KIAA1217: variants seen among roughly 807,000 people sequenced by gnomAD.
KIAA1217 encodes sickle tail protein homolog.
A neutral mutation model predicts 163.9 loss-of-function variants in KIAA1217; 88 were observed. The ratio of observed to expected loss-of-function variants is 0.54; its 90% CI spans 0.45 to 0.64. The LOEUF is 0.64. Among genes scored for constraint, KIAA1217 ranks in the 30% least tolerant of loss-of-function variants. The pLI, the probability that KIAA1217 is intolerant of heterozygous loss-of-function variation, is 0.00. For missense variants in KIAA1217, 2,372 were observed against 2,475.0 expected, an observed-to-expected ratio of 0.96 and a Z score of 0.88; for synonymous variants, 903 against 923.1, an observed-to-expected ratio of 0.98 and a Z score of 0.39.
At chr10:24,352,574 G>A (rs2048589562) in intron 2 of KIAA1217, among the ~76,000 whole-genome samples, 1 of 152,068 alleles carries the variant, frequency 6.6e-6, no homozygotes, top group Non-Finnish European at 1.5e-5. Flanking sequence ...CTGGATTTTA[G>A]AACAATGCAG....
At chr10:24,288,051 G>A (rs1183758954) in intron 2 of KIAA1217, among the ~76,000 whole-genome samples, 1 of 152,132 alleles carries the variant, frequency 6.6e-6, no homozygotes, top group East Asian at 1.9e-4. Flanking sequence ...AACTTAGCCA[G>A]CCTTTGAAAT....
rs568462562 is a variant in KIAA1217 at position 24,141,643 on chromosome 10, G to T, written c.-170-77983G>T. Among the ~76,000 whole-genome samples the T allele has an allele frequency of 1.7e-3, 262 of 152,266 alleles. 1 individual carries two copies. Among genetic ancestry groups the T allele is most frequent in the Middle Eastern group, 3.4e-3 (1 of 294 alleles). On this transcript the variant is annotated intron_variant, in intron 2 of 18. Coordinates refer to the KIAA1217 transcript ENST00000376462. ...TGAACTATGAGAATGGCCACTGGAC[G>T]AAGATCACACTGGACACAGGAAGGT...
At chr10:23,939,301 G>GGGGATTCTAA (rs1233547698) in intron 1 of KIAA1217, among the ~76,000 whole-genome samples, 2 of 152,106 alleles carry the variant, frequency 1.3e-5, no homozygotes, top group African/African-American at 4.8e-5. Context: ...CAGTTAAAAA[G>GGGGATTCTAA]CAGGGAGTGT....
chr10:24,080,155 C>T (rs940741528), intron 2 of KIAA1217, among the ~76,000 whole-genome samples: 1 of 152,140 alleles, frequency 6.6e-6, no homozygotes, highest in Non-Finnish European at 1.5e-5. Flanking sequence ...TTTCCTTTCT[C>T]ATTTCTGTTT....
Position 23,957,099 on chromosome 10 carries a change from AT to A in KIAA1217, c.-320-50123del, listed in dbSNP as rs111462058. Among the ~76,000 whole-genome samples the A allele has an allele frequency of 4.6e-3, 696 of 152,192 alleles. 4 individuals carry two copies. The highest frequency in any genetic ancestry group is 0.016 in the African/African-American group (671 of 41,518). ...CATCAGTCTGTCCTTTCAAAGGCAG[AT>A]TTCATTCTGTGACGGCTCCATTGAG... On this transcript the variant is annotated intron_variant, in intron 1 of 18. Coordinates refer to the KIAA1217 transcript ENST00000376462.
intron 2 of KIAA1217, among the ~76,000 whole-genome samples, chr10:24,312,444 C>T (rs220373): frequency 0.21 from 31,883 of 152,046 alleles, 3,662 homozygotes; most frequent in Non-Finnish European, 0.24. Flanking sequence ...GGTAAAACCT[C>T]GTCTCTACGA....
At chr10:23,872,049 C>A (rs947867097) in intron 1 of KIAA1217, among the ~76,000 whole-genome samples, 6 of 152,154 alleles carry the variant, frequency 3.9e-5, no homozygotes, top group Middle Eastern at 3.4e-3. Context: ...GTTTATGAAT[C>A]TTTATATGAT....
At chr10:23,715,609 A>G (rs908505186) in intron 1 of KIAA1217, among the ~76,000 whole-genome samples, 1 of 152,178 alleles carries the variant, frequency 6.6e-6, no homozygotes, top group Non-Finnish European at 1.5e-5. Flanking sequence ...AAAGTTTCAA[A>G]TATGTACTAG....
At chr10:24,435,926 T>A (rs548380770) in intron 4 of KIAA1217, among the ~76,000 whole-genome samples, 5 of 152,086 alleles carry the variant, frequency 3.3e-5, no homozygotes, top group African/African-American at 1.2e-4. Flanking sequence ...AGTGGCATGA[T>A]CTCAGTTCAC....
At chr10:24,039,621 C>T (rs1313323769) in intron 2 of KIAA1217, among the ~76,000 whole-genome samples, 1 of 152,150 alleles carries the variant, frequency 6.6e-6, no homozygotes, top group Non-Finnish European at 1.5e-5. Context: ...AAGCTGGGTA[C>T]ATCCAGTGCA....
At chr10:24,016,408 AC>A (rs915445481) in intron 2 of KIAA1217, among the ~76,000 whole-genome samples, 20 of 152,080 alleles carry the variant, frequency 1.3e-4, no homozygotes, top group Admixed American at 1.2e-3. Flanking sequence ...ATATTCAAAC[AC>A]CTTTTATACA....
At chr10:24,317,008 G>T (rs940069565) in intron 2 of KIAA1217, among the ~76,000 whole-genome samples, 1 of 152,078 alleles carries the variant, frequency 6.6e-6, no homozygotes, top group Non-Finnish European at 1.5e-5. Flanking sequence ...TGAGTGTGTG[G>T]GGGGCGCTGG....
chr10:24,323,695 A>G (rs2044469025), intron 2 of KIAA1217, among the ~76,000 whole-genome samples: 1 of 151,920 alleles, frequency 6.6e-6, no homozygotes, highest in African/African-American at 2.4e-5. Context: ...GAAGATATTG[A>G]TTGAATGTTT....
intron 1 of KIAA1217, among the ~76,000 whole-genome samples, chr10:23,717,283 G>A (rs1279349746): frequency 6.7e-6 from 1 of 149,660 alleles, no homozygotes; most frequent in Non-Finnish European, 1.5e-5. Flanking sequence ...TTTTTTTTTT[G>A]CTCTGAATTA....
chr10:24,479,221 T>C (rs546138807), intron 6 of KIAA1217, among the ~76,000 whole-genome samples: 1 of 152,360 alleles, frequency 6.6e-6, no homozygotes, highest in Non-Finnish European at 1.5e-5. Context: ...CACATCACTT[T>C]CTCATTTTAT....
intron 2 of KIAA1217, among the ~76,000 whole-genome samples, chr10:24,146,656 C>T (rs1273781689): frequency 1.3e-5 from 2 of 149,754 alleles, no homozygotes; most frequent in Admixed American, 6.7e-5. Context: ...GCACACCAGC[C>T]GAAATGACAC....
intron 1 of KIAA1217, among the ~76,000 whole-genome samples, chr10:23,708,678 T>C (rs545128452): frequency 6.6e-6 from 1 of 152,204 alleles, no homozygotes; most frequent in South Asian, 2.1e-4. Context: ...TGGTGAGAAA[T>C]GCAGTGGAAA....
At chr10:24,136,927 G>A (rs1003529834) in intron 2 of KIAA1217, among the ~76,000 whole-genome samples, 8 of 152,156 alleles carry the variant, frequency 5.3e-5, no homozygotes, top group Admixed American at 3.3e-4. Context: ...AGGTCAAGAT[G>A]TTGCTAACAT....
At chr10:24,195,255 A>C (rs1278294208) in intron 2 of KIAA1217, among the ~76,000 whole-genome samples, 3 of 152,208 alleles carry the variant, frequency 2.0e-5, no homozygotes, top group African/African-American at 7.2e-5. Context: ...GAAACTCTGC[A>C]GTGCCTTTTA....
Sources: gnomAD v4.1 joint callset for allele counts (sites outside exome capture counted in the v4.1 genomes callset) on GRCh38, gnomAD v4.1.1 for gene constraint, MANE v1.5 for transcripts, NCBI Gene and HGNC (gene_info 2026-07-23, HGNC 2026-07-21) for gene names.